Variants in GLB1L observed in about 807,000 individuals in gnomAD.
GLB1L encodes galactosidase beta 1 like.
GLB1L carries 58 observed loss-of-function variants against 75.7 expected under a neutral mutation model. The observed-to-expected ratio is 0.77, with a 90% CI of 0.62 to 0.95. The LOEUF is 0.95. Ranked by LOEUF, GLB1L falls within the 40% of genes least tolerant of loss-of-function variation. GLB1L has a pLI of 0.00. For synonymous variants in GLB1L, 296 were observed against 303.0 expected, an observed-to-expected ratio of 0.98 and a Z score of 0.24; for missense variants, 797 against 805.5, an observed-to-expected ratio of 0.99 and a Z score of 0.13.
In GLB1L at chr2:219,239,694, A is replaced by ACTC. The variant is rs767772402; in HGVS notation, c.781-13_781-12insGAG. On this transcript the variant is annotated splice_polypyrimidine_tract_variant and intron_variant, in intron 8 of 16. Transcript: ENST00000295759. Reference sequence around the variant, plus strand: ...TACTCAGAGTTTACCTAGAGTGTGAAATGAAAGGAGTGTGAGTGAGATGGA... The same window carrying ACTC: ...TACTCAGAGTTTACCTAGAGTGTGAACTCATGAAAGGAGTGTGAGTGAGATGGA... The ACTC allele has an allele frequency of 5.6e-6, 9 of 1,614,082 alleles. No individual in the cohort carries two copies. Among genetic ancestry groups the ACTC allele is most frequent in the Admixed American group, 5.0e-5 (3 of 60,006 alleles).
Position 219,237,210 on chromosome 2 carries a change from A to G in GLB1L, c.1827T>C (p.Asp609=). 8 of 1,614,194 alleles carry G rather than the reference A, an allele frequency of 5.0e-6. No homozygotes were observed. Among genetic ancestry groups the G allele is most frequent in the Non-Finnish European group, 5.9e-6 (7 of 1,180,040 alleles). Residue 609 remains aspartate (D), a synonymous_variant, in exon 17 of 17, where the codon GAT becomes GAC. Coordinates refer to ENST00000295759, the MANE Select transcript of GLB1L (RefSeq NM_001286423.2). ...ATTGGACTTGGGGCTGGAGAGGTAC[A>G]TCTTCTAGTTCCAGCAATGTAATTT... ...LNKITLLELE[D]VPLQPQVQFL... is the part of the protein sequence containing the mutation.
chr2:219,242,724 C>G (rs138087946), intron 4 of GLB1L, 44 bp downstream of exon 4: 1 of 1,610,084 alleles, frequency 6.2e-7, no homozygotes. Flanking sequence ...AGTCTAGGAA[C>G]TGCACAAGGA....
At chr2:219,238,074 C>T (rs904064722) in intron 14 of GLB1L, 117 bp from the exon 15 acceptor site, 4 of 1,139,872 alleles carry the variant, frequency 3.5e-6, no homozygotes, top group Middle Eastern at 2.3e-4. Context: ...CCATCTATCA[C>T]CCATCTATTC....
rs1951315100 is a variant in GLB1L, at chr2:219,238,710, G to A, written c.1132C>T (p.His378Tyr). ...PKMMLGPVTL[H>Y]LVGHLLAFLD... ...AAAGATGTGGAGGAACTTACCAGGT[G>A]CAGAGTCACAGGTCCAAGCATCATC... is the stretch of plus-strand genomic sequence containing the variant. The change falls in exon 12 of 17, where the codon CAC (histidine) becomes TAC (tyrosine). Residue 378 changes from histidine (H) to tyrosine (Y), a missense_variant. By Grantham distance (83) the His-to-Tyr change is moderately conservative. Transcript: ENST00000295759. 2.5e-6 allele frequency: 4 copies of A among 1,613,928 alleles called. No homozygotes were observed. The highest frequency in any genetic ancestry group is 2.7e-5 in the African/African-American group (2 of 75,050).
chr2:219,242,486 C>T (rs1438150615), intron 5 of GLB1L, 28 bp downstream of exon 5: 2 of 1,572,660 alleles, frequency 1.3e-6, no homozygotes, highest in Non-Finnish European at 1.8e-6. Flanking sequence ...TTACTTGCTT[C>T]TGTGTTAAAT....
chr2:219,242,746 A>G (rs887146587), intron 4 of GLB1L, 22 bp downstream of exon 4: 1 of 1,613,686 alleles, frequency 6.2e-7, no homozygotes, highest in Non-Finnish European at 8.5e-7. Context: ...AACTGGTTCT[A>G]TCCCTTCTCC....
Position 219,242,847 on chromosome 2 carries a change from G to T in GLB1L, c.311C>A (p.Ala104Asp), listed in dbSNP as rs368871015. ...YNFNGSRDLI[A>D]FLNEAALANL... ...CGCTAGAGCTGCCTCATTCAGAAAG[G>T]CAATGAGGTCCCGGCTGCCATTAAA... The change falls in exon 4 of 17, where the codon GCC becomes GAC. Residue 104 changes from alanine to aspartate, a missense_variant. Physicochemically the swap from Ala to Asp is moderately radical, Grantham distance 126. Coordinates refer to ENST00000295759, the MANE Select transcript of GLB1L (RefSeq NM_001286423.2). The T allele has an allele frequency of 1.4e-5, 22 of 1,613,980 alleles. No individual in the cohort carries two copies. The African/African-American group carries it at 1.9e-4, about 14-fold the overall frequency.
At chr2:219,242,943 A>T (rs3755049) in intron 3 of GLB1L, 25 bp from the exon 4 acceptor site, 2 of 1,613,572 alleles carry the variant, frequency 1.2e-6, no homozygotes, top group Non-Finnish European at 1.7e-6. Context: ...GGTTAATAGG[A>T]ACCAAGGTGA....
intron 5 of GLB1L, among the ~76,000 whole-genome samples, chr2:219,241,038 G>A (rs942538541): frequency 1.3e-5 from 2 of 150,022 alleles, no homozygotes; most frequent in Non-Finnish European, 3.0e-5. Context: ...CCAAGGTCAC[G>A]TGACTGCACT....
In GLB1L at chr2:219,237,114, AT is replaced by A; in HGVS notation, c.1922del (p.Asp641ValfsTer3). The A allele has an allele frequency of 2.5e-6, 4 of 1,604,872 alleles. No individual in the cohort carries two copies. Among genetic ancestry groups the A allele is most frequent in the Admixed American group, 1.7e-5 (1 of 59,954 alleles). On this transcript the variant is annotated frameshift_variant, in exon 17 of 17. Coordinates refer to ENST00000295759, the MANE Select transcript of GLB1L (RefSeq NM_001286423.2). LOFTEE classifies it high-confidence loss of function. ...CCATTGGTTCAGAGGCACTCAGTGT[AT>A]CAGCTGAAAGGGAATTGATATGTGT... ...HRTHINSLSA[D>X]TLSASEPMEL...
At chr2:219,238,217 T>C (rs1174076328) in intron 14 of GLB1L, 33 bp downstream of exon 14, 2 of 1,438,088 alleles carry the variant, frequency 1.4e-6, no homozygotes, top group Non-Finnish European at 1.9e-6. Flanking sequence ...AAGGGAGGAG[T>C]TTGGGGCTCA....
chr2:219,243,777 AC>A, intron 1 of GLB1L, 134 bp from the exon 2 acceptor site: 1 of 566,268 alleles, frequency 1.8e-6, no homozygotes, highest in Non-Finnish European at 3.2e-6. Context: ...CAGTTCACGA[AC>A]CAGCTTCATC....
chr2:219,237,353 G>C lies in GLB1L; in HGVS notation c.1690-6C>G, dbSNP rs377757936. On this transcript the variant is annotated splice_polypyrimidine_tract_variant and splice_region_variant and intron_variant, in intron 16 of 16. Coordinates refer to ENST00000295759, the MANE Select transcript of GLB1L (RefSeq NM_001286423.2). ...CCATTGATCCAGACTTGGCCCTGGG[G>C]AATAGGGAGCAGGAAAGAGGGGAAA... 34 of 1,611,830 alleles carry C rather than the reference G, an allele frequency of 2.1e-5. No homozygotes were observed. Among genetic ancestry groups the C allele is most frequent in the Non-Finnish European group, 2.5e-5 (29 of 1,178,554 alleles).
At position 219,239,653 on chromosome 2, in the gene GLB1L, C is replaced by T. The variant is rs748210483; in HGVS notation, c.810G>A (p.Leu270=). Residue 270 remains leucine, a synonymous_variant, in exon 9 of 17, where the codon CTG becomes CTA. Transcript: ENST00000295759. ...LVNSEYYTGW[L]DYWGQNHSTR... is the part of the protein sequence containing the mutation. ...TGGAGTGATTCTGGCCCCAGTAATC[C>T]AGCCAGCCTGTGTAGTACTCAGAGT... 6.2e-7 allele frequency: 1 copy of T among 1,614,154 alleles called. No homozygotes were observed. The highest frequency in any genetic ancestry group is 8.5e-7 in the Non-Finnish European group (1 of 1,180,028).
intron 5 of GLB1L, among the ~76,000 whole-genome samples, chr2:219,241,444 A>ATATG (rs1951389427): frequency 8.4e-6 from 1 of 119,124 alleles, no homozygotes; most frequent in Non-Finnish European, 1.7e-5. Context: ...GTGTGTGTGT[A>ATATG]TATATATATA....
rs1488106280 is a variant in GLB1L, at chr2:219,239,764, T to C, written c.780+11A>G. 1 of 1,614,102 alleles carries C rather than the reference T, an allele frequency of 6.2e-7. No individual in the cohort carries two copies. Among genetic ancestry groups the C allele is most frequent in the Non-Finnish European group, 8.5e-7 (1 of 1,180,046 alleles). Reference sequence around the variant, plus strand: ...TATCCCTGATTCCCTGACTCCTCTCTGGCCCCTCACCAATGGCCCATGGGG... The same window carrying C: ...TATCCCTGATTCCCTGACTCCTCTCCGGCCCCTCACCAATGGCCCATGGGG... On this transcript the variant is annotated intron_variant, in intron 8 of 16. Coordinates refer to ENST00000295759, the MANE Select transcript of GLB1L (RefSeq NM_001286423.2).
chr2:219,241,493 G>A (rs1046833145), intron 5 of GLB1L, among the ~76,000 whole-genome samples: 2 of 143,830 alleles, frequency 1.4e-5, no homozygotes, highest in South Asian at 4.5e-4. Flanking sequence ...TGTATAGAGA[G>A]AGCGAGAGAG....
rs1445425324 is a variant in GLB1L, at chr2:219,238,202, T to C, written c.1341+48A>G. 3.0e-6 allele frequency: 4 copies of C among 1,350,254 alleles called. No individual in the cohort carries two copies. The Admixed American group carries it at 8.2e-5, about 28-fold the overall frequency. 83.6% of individuals were successfully genotyped at this position (1,350,254 alleles called of 1,614,324 possible). A position where few individuals can be genotyped will look rare whatever the true frequency, so the allele number is the denominator to read the frequency against. On this transcript the variant is annotated intron_variant, in intron 14 of 16. Transcript: ENST00000295759. The stretch of plus-strand genomic sequence containing the variant: ...TGGGGAACTTAAGGCTAACGCTTCC[T>C]GGGGAAGGGAGGAGTTTGGGGCTCA...
intron 8 of GLB1L, 36 bp downstream of exon 8, chr2:219,239,739 T>C: frequency 1.9e-6 from 3 of 1,614,228 alleles, no homozygotes; most frequent in South Asian, 1.1e-5. Flanking sequence ...GACCCATTCC[T>C]ATCCCTGATT....
Sources: allele counts gnomAD v4.1 joint callset (sites outside exome capture counted in the v4.1 genomes callset), GRCh38; gene constraint gnomAD v4.1.1; transcripts MANE v1.5; gene names NCBI Gene and HGNC (gene_info 2026-07-23, HGNC 2026-07-21).